The following OXNAD1 variants were observed in gnomAD, a reference collection of about 807,000 sequenced individuals.
The protein encoded by OXNAD1 is oxidoreductase NAD-binding domain-containing protein 1.
A neutral mutation model predicts 32.9 loss-of-function variants in OXNAD1; 34 were observed. That is an observed-to-expected ratio of 1.03 (90% confidence interval 0.79 to 1.38). The LOEUF is 1.38. OXNAD1 is among the 40% of genes most tolerant of loss of function. The pLI, the probability that OXNAD1 is intolerant of heterozygous loss-of-function variation, is 0.00. For missense variants in OXNAD1, 407 were observed against 379.4 expected (o/e 1.07, Z -0.60); for synonymous variants, 134 against 135.2 (o/e 0.99, Z 0.06).
At chr3:16,347,150 C>G (rs543528659) in intron 9 of OXNAD1, among the ~76,000 whole-genome samples, 132 of 152,192 alleles carry the variant, frequency 8.7e-4, no homozygotes, top group Non-Finnish European at 8.5e-4. Flanking sequence ...GATGAAAATC[C>G]CACTATGGCT....
chr3:16,292,130 C>A (rs1448596523), intron 5 of OXNAD1, among the ~76,000 whole-genome samples: 1 of 150,072 alleles, frequency 6.7e-6, no homozygotes, highest in Non-Finnish European at 1.5e-5. Context: ...ATACAAGAAC[C>A]TTAATATTAA....
intron 4 of OXNAD1, among the ~76,000 whole-genome samples, chr3:16,274,159 A>T (rs1369248897): frequency 8.1e-6 from 1 of 123,362 alleles, no homozygotes; most frequent in South Asian, 2.5e-4. Flanking sequence ...AAATCACTGT[A>T]CTATCACTAA....
exon 10 of OXNAD1, chr3:16,349,889 A>G (rs879509360): frequency 6.6e-6 from 1 of 152,242 alleles, no homozygotes; most frequent in Admixed American, 6.5e-5. Flanking sequence ...TTCCAGCAGG[A>G]GTCGATGTTG....
At chr3:16,311,006 A>AG (rs2067939242), downstream of OXNAD1, among the ~76,000 whole-genome samples, 1 of 147,072 alleles carries the variant, frequency 6.8e-6, no homozygotes, top group African/African-American at 2.6e-5. Context: ...AAAAAAAAAA[A>AG]AAAAAAAATC....
downstream of OXNAD1, among the ~76,000 whole-genome samples, chr3:16,308,975 A>AATTATATAGATT (rs540532854): frequency 6.5e-3 from 988 of 152,328 alleles, 8 homozygotes; most frequent in South Asian, 0.014. This position sits in a 1 kb window ranked among gnomAD's most constrained non-coding sequence, Gnocchi z 4.4. Flanking sequence ...TATTAAATAA[A>AATTATATAGATT]ATTATATAGA....
At chr3:16,323,512 C>T (rs1231484396) in intron 9 of OXNAD1, 32 of 1,283,576 alleles carry the variant, frequency 2.5e-5, no homozygotes, top group South Asian at 2.4e-4. Flanking sequence ...GAACCCAAAA[C>T]CTGACACAGA....
downstream of OXNAD1, chr3:16,339,939 T>C (rs1422337516): frequency 6.6e-6 from 1 of 152,266 alleles, no homozygotes; most frequent in Non-Finnish European, 1.5e-5. Context: ...CTGTAAATCA[T>C]GCCTAAAATG....
At position 16,293,327 on chromosome 3, in the gene OXNAD1, C is replaced by T. The variant is rs113235824; in HGVS notation, c.291-1529C>T. On this transcript the variant is annotated intron_variant, in intron 5 of 8. Transcript: ENST00000285083. ...TTCTAAATTTCACATTTGGATTGTT[C>T]GTTGCTAGTGTATAGAGATACAGTT... 1.0e-3 allele frequency among the ~76,000 whole-genome samples: 153 copies of T among 152,066 alleles called. 3 individuals carry two copies. The East Asian group carries it at 0.013, about 13-fold the overall frequency.
At chr3:16,270,864 C>T (rs2124971655) in intron 2 of OXNAD1, 81 bp from the exon 3 acceptor site, 1 of 1,573,232 alleles carries the variant, frequency 6.4e-7, no homozygotes, top group East Asian at 2.2e-5. Flanking sequence ...CCACACTCTT[C>T]CTCACTGACC....
At chr3:16,343,460 T>C (rs76263880) in intron 9 of OXNAD1, among the ~76,000 whole-genome samples, 4,589 of 152,302 alleles carry the variant, frequency 0.03, 101 homozygotes, top group Middle Eastern at 0.082. Flanking sequence ...TCCTCCAAGA[T>C]AAACATGTCC....
At position 16,329,029 on chromosome 3, in the gene OXNAD1, A is replaced by G. The variant is rs2070019945; in HGVS notation, c.*31-8083A>G. Among the ~76,000 whole-genome samples, 1 of 152,234 alleles carries G rather than the reference A, an allele frequency of 6.6e-6. No individual in the cohort carries two copies. Among genetic ancestry groups the G allele is most frequent in the African/African-American group, 2.4e-5 (1 of 41,464 alleles). On this transcript the variant is annotated intron_variant, in intron 9 of 9. Transcript: ENST00000435829. The surrounding 1 kb of genome is among the most constrained non-coding windows in gnomAD (Gnocchi z 4.5). ...CCATGTGTTGAAAACTTAATCCCCA[A>G]TGCAATGACATTGAATGGTGAGGCC...
Position 16,305,635 on chromosome 3 carries a change from G to C in OXNAD1, c.*2073G>C, listed in dbSNP as rs79078509. 2 of 152,182 alleles carry C rather than the reference G, an allele frequency of 1.3e-5. No individual in the cohort carries two copies. Among genetic ancestry groups the C allele is most frequent in the African/African-American group, 4.8e-5 (2 of 41,440 alleles). The allele number at this position is 152,182 out of a possible 1,614,324, so 9.4% of individuals were successfully genotyped here. ...CAGAGTGGCTTGGAATTCATAGTGCGGTGGCTCAGAGTATAGGCTCGAAAG... is the reference window on the plus strand; with the variant it reads ...CAGAGTGGCTTGGAATTCATAGTGCCGTGGCTCAGAGTATAGGCTCGAAAG... On this transcript the variant is annotated 3_prime_UTR_variant, in exon 9 of 9. Coordinates refer to ENST00000285083, the MANE Select transcript of OXNAD1 (RefSeq NM_138381.5). The surrounding 1 kb of genome is among the most constrained non-coding windows in gnomAD (Gnocchi z 4.5).
intron 9 of OXNAD1, among the ~76,000 whole-genome samples, chr3:16,315,139 T>A (rs550391514): frequency 2.6e-5 from 4 of 151,912 alleles, no homozygotes; most frequent in South Asian, 4.2e-4. Context: ...TTTTCTGAGA[T>A]GGAGTCTTGC....
At position 16,348,336 on chromosome 3, in the gene OXNAD1, C is replaced by T. The variant is rs549435696; in HGVS notation, c.*31-840C>T. On this transcript the variant is annotated intron_variant, in intron 9 of 9. Coordinates refer to the OXNAD1 transcript ENST00000606098. This position sits in a 1 kb window ranked among gnomAD's most constrained non-coding sequence, Gnocchi z 6.3. ...TATTGAAGGCATCTAGGAGATCATC[C>T]ACATTATCCAATATGTGTTCTAATT... 7.2e-5 allele frequency among the ~76,000 whole-genome samples: 11 copies of T among 151,870 alleles called. No homozygotes were observed. The East Asian group carries it at 1.9e-3, about 27-fold the overall frequency.
At position 16,284,113 on chromosome 3, in the gene OXNAD1, C is replaced by T. The variant is rs750334404; in HGVS notation, c.184-2229C>T. 6.6e-6 allele frequency among the ~76,000 whole-genome samples: 1 copy of T among 152,140 alleles called. No homozygotes were observed. Among genetic ancestry groups the T allele is most frequent in the Non-Finnish European group, 1.5e-5 (1 of 68,012 alleles). Reference sequence around the variant, plus strand: ...CAAGACAGTATGGCTTTTACGTTTGCACTGGTAAAAACATGTACAAGCCCA... The same window carrying T: ...CAAGACAGTATGGCTTTTACGTTTGTACTGGTAAAAACATGTACAAGCCCA... On this transcript the variant is annotated intron_variant, in intron 4 of 8. Transcript: ENST00000285083. This position sits in a 1 kb window ranked among gnomAD's most constrained non-coding sequence, Gnocchi z 4.1.
downstream of OXNAD1, among the ~76,000 whole-genome samples, chr3:16,350,711 G>T (rs2072040852): frequency 6.6e-6 from 1 of 152,192 alleles, no homozygotes; most frequent in Non-Finnish European, 1.5e-5. Context: ...CCTGGGAGGG[G>T]TTTGGGTGTT....
chr3:16,271,074 G>C lies in OXNAD1; in HGVS notation c.119+3G>C. 2 of 1,613,434 alleles carry C rather than the reference G, an allele frequency of 1.2e-6. No homozygotes were observed. The highest frequency in any genetic ancestry group is 2.7e-5 in the African/African-American group (2 of 74,998). On this transcript the variant is annotated splice_donor_region_variant and intron_variant, in intron 3 of 8. Coordinates refer to ENST00000285083, the MANE Select transcript of OXNAD1 (RefSeq NM_138381.5). This position sits in a 1 kb window ranked among gnomAD's most constrained non-coding sequence, Gnocchi z 4.6. Reference sequence around the variant, plus strand: ...TTGCGCCACCTTACTCTAACCAGGTGAGTCATTAAGACTTCTGTGTCATTT... The same window carrying C: ...TTGCGCCACCTTACTCTAACCAGGTCAGTCATTAAGACTTCTGTGTCATTT...
rs116505556 is a variant in OXNAD1, at chr3:16,301,018, G to T, written c.433-608G>T. Among the ~76,000 whole-genome samples, 1 of 152,270 alleles carries T rather than the reference G, an allele frequency of 6.6e-6. No individual in the cohort carries two copies. The highest frequency in any genetic ancestry group is 2.4e-5 in the African/African-American group (1 of 41,550). On this transcript the variant is annotated intron_variant, in intron 6 of 8. Coordinates refer to ENST00000285083, the MANE Select transcript of OXNAD1 (RefSeq NM_138381.5). This position sits in a 1 kb window ranked among gnomAD's most constrained non-coding sequence, Gnocchi z 4.1. ...CCAAATAGGTGCTTTATCTAGATAG[G>T]TCTATGTGATACTCCCTAGTATGAA...
rs1559843919 is a variant in OXNAD1, at chr3:16,345,849, CAT to C, written c.*31-3326_*31-3325del. 1.5e-5 allele frequency among the ~76,000 whole-genome samples: 2 copies of C among 131,106 alleles called. No homozygotes were observed. The highest frequency in any genetic ancestry group is 3.6e-5 in the Non-Finnish European group (2 of 55,672). The allele number at this position is 131,106 out of a possible 152,430, so 86.0% of individuals were successfully genotyped here. A position where few individuals can be genotyped will look rare whatever the true frequency, so the allele number is the denominator to read the frequency against. Reference sequence around the variant, plus strand: ...GCGCGTGCGCGCACGCGCACATGTGCATGTGTATGTGTATAATCTCCTACTGG... The same window carrying C: ...GCGCGTGCGCGCACGCGCACATGTGCGTGTATGTGTATAATCTCCTACTGG... On this transcript the variant is annotated intron_variant, in intron 9 of 9. Transcript: ENST00000606098. The surrounding 1 kb of genome is among the most constrained non-coding windows in gnomAD (Gnocchi z 5.2).
Sources: gnomAD v4.1 joint callset for allele counts (sites outside exome capture counted in the v4.1 genomes callset) on GRCh38, gnomAD v4.1.1 for gene constraint, Gnocchi (gnomAD v3.1) non-coding constraint, MANE v1.5 for transcripts, NCBI Gene and HGNC (gene_info 2026-07-23, HGNC 2026-07-21) for gene names.